FHIT: variants seen among roughly 807,000 people sequenced by gnomAD.
FHIT encodes fragile histidine triad diadenosine triphosphatase, also known as bis(5'-adenosyl)-triphosphatase.
FHIT carries 19 observed loss-of-function variants against 17.9 expected under a neutral mutation model. The observed-to-expected ratio is 1.06, with a 90% confidence interval of 0.74 to 1.56. The LOEUF (loss-of-function observed/expected upper bound fraction) is 1.56. Ranked by LOEUF, FHIT falls within the 40% of genes most tolerant of loss-of-function variation. FHIT has a pLI of 0.00. For missense variants in FHIT, 248 were observed against 189.2 expected (o/e 1.31, Z -1.82); for synonymous variants, 81 against 69.7 (o/e 1.16, Z -0.81).
At chr3:60,726,612 C>T (rs1039399291) in intron 4 of FHIT, among the ~76,000 whole-genome samples, 2 of 152,180 alleles carry the variant, frequency 1.3e-5, no homozygotes, top group Admixed American at 1.3e-4. Flanking sequence ...AAGTTTAATT[C>T]TCTTTCCCTA....
intron 5 of FHIT, among the ~76,000 whole-genome samples, chr3:60,519,294 T>C (rs1456805062): frequency 1.3e-5 from 2 of 152,212 alleles, no homozygotes; most frequent in East Asian, 3.8e-4. Flanking sequence ...TTCATAGATA[T>C]AATTTAAACA....
chr3:60,200,891 T>C (rs1382027415), intron 5 of FHIT, among the ~76,000 whole-genome samples: 1 of 152,120 alleles, frequency 6.6e-6, no homozygotes, highest in Non-Finnish European at 1.5e-5. Context: ...ACTCCTTTGT[T>C]CAACCACCCA....
intron 3 of FHIT, 134 bp from the exon 4 acceptor site, chr3:60,822,145 G>A (rs1575566781): frequency 6.6e-6 from 1 of 152,282 alleles, no homozygotes; most frequent in Non-Finnish European, 1.5e-5. Flanking sequence ...GCAGAATGAA[G>A]GTACATATGT....
At chr3:60,744,311 A>G (rs1200149862) in intron 4 of FHIT, among the ~76,000 whole-genome samples, 1 of 151,536 alleles carries the variant, frequency 6.6e-6, no homozygotes, top group African/African-American at 2.4e-5. Flanking sequence ...AAAAAAACCT[A>G]TATGCACAAG....
intron 3 of FHIT, among the ~76,000 whole-genome samples, chr3:61,013,383 T>C (rs978549323): frequency 6.6e-6 from 1 of 152,226 alleles, no homozygotes; most frequent in African/African-American, 2.4e-5. Flanking sequence ...ATTATTTGCT[T>C]TACCCTAAGA....
chr3:60,940,958 G>T (rs1251863586), intron 3 of FHIT, among the ~76,000 whole-genome samples: 1 of 152,174 alleles, frequency 6.6e-6, no homozygotes. Flanking sequence ...GGAGCCACAT[G>T]TCTGATTTTA....
At chr3:59,934,370 C>T (rs1206112004) in intron 7 of FHIT, among the ~76,000 whole-genome samples, 1 of 152,082 alleles carries the variant, frequency 6.6e-6, no homozygotes, top group Non-Finnish European at 1.5e-5. Context: ...AAGCCCACTG[C>T]CCCTGCACCC....
At chr3:60,130,385 G>T (rs538451676) in intron 5 of FHIT, among the ~76,000 whole-genome samples, 1 of 152,100 alleles carries the variant, frequency 6.6e-6, no homozygotes, top group Non-Finnish European at 1.5e-5. Context: ...CACTATCCAT[G>T]CTCACAACAA....
intron 8 of FHIT, among the ~76,000 whole-genome samples, chr3:59,798,693 T>C (rs1384874723): frequency 6.6e-6 from 1 of 152,230 alleles, no homozygotes; most frequent in African/African-American, 2.4e-5. Flanking sequence ...GCATTAGATC[T>C]TAGTAACTTG....
At chr3:61,098,853 G>A (rs1386428514) in intron 2 of FHIT, among the ~76,000 whole-genome samples, 1 of 152,182 alleles carries the variant, frequency 6.6e-6, no homozygotes, top group Non-Finnish European at 1.5e-5. Context: ...CTTTTAGGCT[G>A]AGACGATGGG....
intron 7 of FHIT, among the ~76,000 whole-genome samples, chr3:59,994,824 A>G (rs1343677330): frequency 6.6e-6 from 1 of 152,092 alleles, no homozygotes; most frequent in East Asian, 1.9e-4. Flanking sequence ...AGAACGTGAC[A>G]TGCAATTTTT....
chr3:60,310,896 C>T (rs1376989319), intron 5 of FHIT, among the ~76,000 whole-genome samples: 1 of 152,078 alleles, frequency 6.6e-6, no homozygotes, highest in African/African-American at 2.4e-5. Flanking sequence ...TGCTTGCTTT[C>T]TCTCTGTATA....
chr3:60,212,685 G>A (rs1427153986), intron 5 of FHIT, among the ~76,000 whole-genome samples: 1 of 152,080 alleles, frequency 6.6e-6, no homozygotes, highest in Non-Finnish European at 1.5e-5. Flanking sequence ...ATTTAGTTTG[G>A]GAAAATAAAT....
At chr3:60,431,786 C>G (rs1050858624) in intron 5 of FHIT, among the ~76,000 whole-genome samples, 1 of 152,060 alleles carries the variant, frequency 6.6e-6, no homozygotes, top group African/African-American at 2.4e-5. Context: ...CTTACAGACT[C>G]TCTCATGTCC....
chr3:60,756,287 T>C (rs782763570), intron 4 of FHIT, among the ~76,000 whole-genome samples: 1 of 152,144 alleles, frequency 6.6e-6, no homozygotes, highest in African/African-American at 2.4e-5. Context: ...ATGGGGTGAG[T>C]ATTGTACAAG....
rs529123279 is a variant in FHIT, at chr3:59,970,340, T to A, written c.279+41031A>T. Among the ~76,000 whole-genome samples the A allele has an allele frequency of 1.3e-3, 191 of 152,244 alleles. 2 individuals are homozygous for A. The highest frequency in any genetic ancestry group is 4.4e-3 in the African/African-American group (181 of 41,562). On this transcript the variant is annotated intron_variant, in intron 7 of 9. Coordinates refer to ENST00000492590, the MANE Select transcript of FHIT (RefSeq NM_002012.4). ...AAAACCAATTCCTAATGAAGCATAA[T>A]GAATCGTAAAGAGGCACCAATGCTC...
chr3:59,952,300 T>A (rs1707157039), intron 7 of FHIT, among the ~76,000 whole-genome samples: 1 of 152,174 alleles, frequency 6.6e-6, no homozygotes, highest in Admixed American at 6.5e-5. Flanking sequence ...GTGCATTAAG[T>A]TCACCAGGTA....
At chr3:60,127,551 A>C (rs1339244342) in intron 5 of FHIT, among the ~76,000 whole-genome samples, 1 of 152,156 alleles carries the variant, frequency 6.6e-6, no homozygotes, top group Non-Finnish European at 1.5e-5. Flanking sequence ...ACTCTCCAGA[A>C]ATGATATACA....
intron 4 of FHIT, among the ~76,000 whole-genome samples, chr3:60,756,937 T>G (rs909018763): frequency 3.9e-5 from 6 of 151,922 alleles, no homozygotes; most frequent in Admixed American, 3.3e-4. Context: ...AACTATGGAC[T>G]GGGGAAAGGG....
Sources: allele counts gnomAD v4.1 joint callset (sites outside exome capture counted in the v4.1 genomes callset), GRCh38; gene constraint gnomAD v4.1.1; transcripts MANE v1.5; gene names NCBI Gene and HGNC (gene_info 2026-07-23, HGNC 2026-07-21).